ADGRB1: variants seen among roughly 807,000 people sequenced by gnomAD.
The protein encoded by ADGRB1 is adhesion G protein-coupled receptor B1.
Under a neutral mutation model 175.7 loss-of-function variants are expected in ADGRB1, and 36 were observed. That is an observed-to-expected ratio of 0.20 (90% CI 0.16 to 0.27). The LOEUF (loss-of-function observed/expected upper bound fraction) is 0.27. ADGRB1 is among the 10% of genes least tolerant of loss of function. The pLI, the probability that ADGRB1 is intolerant of heterozygous loss-of-function variation, is 1.00. For synonymous variants in ADGRB1, 1,054 were observed against 979.4 expected, an observed-to-expected ratio of 1.08 and a Z score of -1.42; for missense variants, 1,731 against 2,255.3, an observed-to-expected ratio of 0.77 and a Z score of 4.71.
Position 142,523,083 on chromosome 8 carries a change from G to T in ADGRB1, c.3245+373G>T, listed in dbSNP as rs181947154. ...GGGCTGTTTGAGACATGAGCTCTGGGCACAGTGGGCACACCCCCCACAGCA... is the reference window on the plus strand; with the variant it reads ...GGGCTGTTTGAGACATGAGCTCTGGTCACAGTGGGCACACCCCCCACAGCA... On this transcript the variant is annotated intron_variant, in intron 22 of 30. Coordinates refer to ENST00000517894, the MANE Select transcript of ADGRB1 (RefSeq NM_001702.3). Among the ~76,000 whole-genome samples, 31 of 152,364 alleles carry T rather than the reference G, an allele frequency of 2.0e-4. No individual in the cohort carries two copies. The East Asian group carries it at 5.8e-3, about 28-fold the overall frequency.
At chr8:142,489,542 C>A in intron 16 of ADGRB1, 104 bp downstream of exon 16, 1 of 1,259,902 alleles carries the variant, frequency 7.9e-7, no homozygotes, top group Non-Finnish European at 1.1e-6. Flanking sequence ...CTCACAACAG[C>A]TTTAACCTTC....
intron 16 of ADGRB1, 89 bp from the exon 17 acceptor site, chr8:142,490,683 G>T: frequency 7.0e-7 from 1 of 1,431,686 alleles, no homozygotes. Context: ...ATGCCTGGTA[G>T]CACACCTTTA....
rs567907941 is a variant in ADGRB1 at position 142,537,271 on chromosome 8, C to T, written c.3666+189C>T. Among the ~76,000 whole-genome samples the T allele has an allele frequency of 9.2e-5, 14 of 152,218 alleles. No individual in the cohort carries two copies. The East Asian group carries it at 2.7e-3, about 29-fold the overall frequency. ...GGAACCCCTGGTCCGGGGTTTCCAG[C>T]TGGGAAGGCCTGAGCTGATGAGTTT... On this transcript the variant is annotated intron_variant, in intron 26 of 30. Coordinates refer to ENST00000517894, the MANE Select transcript of ADGRB1 (RefSeq NM_001702.3). This position sits in a 1 kb window ranked among gnomAD's most constrained non-coding sequence, Gnocchi z 4.6.
chr8:142,491,732 G>A (rs1331838304), intron 17 of ADGRB1, among the ~76,000 whole-genome samples: 1 of 152,210 alleles, frequency 6.6e-6, no homozygotes, highest in Non-Finnish European at 1.5e-5. Flanking sequence ...ACCAGCCTCA[G>A]GCCTCCCTGC....
rs753144955 is a variant in ADGRB1 at position 142,481,277 on chromosome 8, C to T, written c.1852C>T (p.Leu618=). ...AGGACTCATCCTGCGACGGTGTGAG[C>T]TGGACGAGGAAGGCATCGCCTACTG... ...ATGLILRRCE[L]DEEGIAYWEP... The change falls in exon 10 of 31, where the codon CTG becomes TTG. Residue 618 remains leucine, a synonymous_variant. Transcript: ENST00000517894. 1.2e-6 allele frequency: 2 copies of T among 1,613,844 alleles called. No individual in the cohort carries two copies. The highest frequency in any genetic ancestry group is 2.2e-5 in the South Asian group (2 of 91,086).
intron 16 of ADGRB1, among the ~76,000 whole-genome samples, chr8:142,490,482 C>T (rs1056308414): frequency 2.6e-5 from 4 of 152,328 alleles, no homozygotes; most frequent in East Asian, 1.9e-4. Context: ...ATACCAGAGA[C>T]GGACTTCAGC....
At position 142,533,364 on chromosome 8, in the gene ADGRB1, C is replaced by T. The variant is rs1315241170; in HGVS notation, c.3468C>T (p.Ala1156=). ...TGACCTGGATGTCGGCTGTGCTCGCCGTCACCGACCGCCGCTCCGCCCTCT... is the reference window on the plus strand; with the variant it reads ...TGACCTGGATGTCGGCTGTGCTCGCTGTCACCGACCGCCGCTCCGCCCTCT... ...LALTWMSAVL[A]VTDRRSALFQ... is the part of the protein sequence containing the mutation. The change falls in exon 25 of 31, where the codon GCC becomes GCT. Residue 1156 remains alanine (A), a synonymous_variant. Transcript: ENST00000517894. 5.0e-6 allele frequency: 8 copies of T among 1,603,930 alleles called. No homozygotes were observed. The highest frequency in any genetic ancestry group is 3.4e-5 in the Admixed American group (2 of 59,178).
chr8:142,539,543 C>G, intron 27 of ADGRB1, 130 bp downstream of exon 27: 1 of 1,175,506 alleles, frequency 8.5e-7, no homozygotes, highest in South Asian at 1.4e-5. Flanking sequence ...CACACCCAGC[C>G]ACACCGTCAG....
chr8:142,543,193 C>T lies in ADGRB1; in HGVS notation c.4414-210C>T, dbSNP rs1161237335. Among the ~76,000 whole-genome samples, 2 of 152,262 alleles carry T rather than the reference C, an allele frequency of 1.3e-5. No homozygotes were observed. The highest frequency in any genetic ancestry group is 3.9e-4 in the East Asian group (2 of 5,140). ...TCCCGGGTAGGCGAGCCGGACACCC[C>T]AGCCCAGCCTTGGTGCTGCTCGCTG... is the stretch of plus-strand genomic sequence containing the variant. On this transcript the variant is annotated intron_variant, in intron 28 of 30. Coordinates refer to ENST00000517894, the MANE Select transcript of ADGRB1 (RefSeq NM_001702.3). This position sits in a 1 kb window ranked among gnomAD's most constrained non-coding sequence, Gnocchi z 4.4.
intron 23 of ADGRB1, among the ~76,000 whole-genome samples, chr8:142,526,215 C>T (rs966122382): frequency 6.6e-6 from 1 of 152,176 alleles, no homozygotes; most frequent in Non-Finnish European, 1.5e-5. Context: ...GGATTGGTGT[C>T]CCTTAGACAG....
At chr8:142,544,183 G>C in intron 30 of ADGRB1, 37 bp from the exon 31 acceptor site, 2 of 1,543,484 alleles carry the variant, frequency 1.3e-6, no homozygotes, top group African/African-American at 1.4e-5. Flanking sequence ...CTCTCCCTCC[G>C]GGCCCCACCC....
At chr8:142,479,876 T>A in intron 9 of ADGRB1, 82 bp downstream of exon 9, 1 of 1,419,780 alleles carries the variant, frequency 7.0e-7, no homozygotes, top group Non-Finnish European at 9.6e-7. Context: ...CTGTCAGCAC[T>A]GGGAGGCGGC....
At position 142,474,662 on chromosome 8, in the gene ADGRB1, G is replaced by A. The variant is rs939560961; in HGVS notation, c.785-812G>A. The stretch of plus-strand genomic sequence containing the variant: ...GCAGCACGAGGACCCCCCGGGAGCA[G>A]AGACTCCTGGGGCGTGAGGTCTGGT... On this transcript the variant is annotated intron_variant, in intron 2 of 30. Coordinates refer to ENST00000517894, the MANE Select transcript of ADGRB1 (RefSeq NM_001702.3). The surrounding 1 kb of genome is among the most constrained non-coding windows in gnomAD (Gnocchi z 5.8). 2.0e-5 allele frequency among the ~76,000 whole-genome samples: 3 copies of A among 152,322 alleles called. No homozygotes were observed. The Middle Eastern group carries it at 0.01, about 518-fold the overall frequency.
Position 142,479,470 on chromosome 8 carries a change from G to A in ADGRB1, c.1709G>A (p.Gly570Asp). 6.4e-7 allele frequency: 1 copy of A among 1,551,324 alleles called. No homozygotes were observed. The highest frequency in any genetic ancestry group is 2.3e-5 in the East Asian group (1 of 43,024). ...CCCCAGGATGAGTACCGGCAGTGCG[G>A]CACCCAGCGGTGTCCCGGTGAGGCC... ...QGPQDEYRQC[G>D]TQRCPEPHEI... The change falls in exon 8 of 31, where the codon GGC (glycine) becomes GAC (aspartate). Residue 570 changes from glycine (G) to aspartate (D), a missense_variant. Gly to Asp is a moderately conservative substitution (Grantham distance 94, BLOSUM62 -1). Coordinates refer to ENST00000517894, the MANE Select transcript of ADGRB1 (RefSeq NM_001702.3).
chr8:142,474,871 T>TC lies in ADGRB1; in HGVS notation c.785-601dup. 6.6e-6 allele frequency among the ~76,000 whole-genome samples: 1 copy of TC among 152,050 alleles called. No individual in the cohort carries two copies. The highest frequency in any genetic ancestry group is 2.4e-5 in the African/African-American group (1 of 41,376). On this transcript the variant is annotated intron_variant, in intron 2 of 30. Coordinates refer to ENST00000517894, the MANE Select transcript of ADGRB1 (RefSeq NM_001702.3). This position sits in a 1 kb window ranked among gnomAD's most constrained non-coding sequence, Gnocchi z 5.8. ...CCAGCTGGCCAGGTCCAGGGCAGGCTCCGTCAGGCTGTGCCCTGGGTTCGA... is the reference window on the plus strand; with the variant it reads ...CCAGCTGGCCAGGTCCAGGGCAGGCTCCCGTCAGGCTGTGCCCTGGGTTCGA...
intron 1 of ADGRB1, among the ~76,000 whole-genome samples, chr8:142,456,084 G>A (rs1839659097): frequency 6.6e-6 from 1 of 152,098 alleles, no homozygotes; most frequent in Admixed American, 6.5e-5. Context: ...GAGCCCCGGG[G>A]AAAAGGAATG....
intron 15 of ADGRB1, 42 bp downstream of exon 15, chr8:142,489,152 G>A: frequency 1.9e-6 from 3 of 1,569,058 alleles, no homozygotes; most frequent in Non-Finnish European, 8.6e-7. Flanking sequence ...TGCAGGGCAG[G>A]TGGGGTGGGC....
intron 23 of ADGRB1, 41 bp from the exon 24 acceptor site, chr8:142,526,501 C>T (rs367986408): frequency 8.2e-6 from 11 of 1,343,564 alleles, no homozygotes; most frequent in Admixed American, 2.0e-5. Context: ...GAGCCTACGG[C>T]GGCCCCCACC....
intron 18 of ADGRB1, among the ~76,000 whole-genome samples, chr8:142,516,385 CTGTGTGGGCCCCAGTTGCGTG>C (rs1399483194): frequency 1.8e-5 from 1 of 54,566 alleles, no homozygotes; most frequent in African/African-American, 7.4e-5. Flanking sequence ...GTGCGTGCGT[CTGTGTGGGCCCCAGTTGCGTG>C]TGTGTGGGCC....
Sources: gnomAD v4.1 joint callset for allele counts (sites outside exome capture counted in the v4.1 genomes callset) on GRCh38, gnomAD v4.1.1 for gene constraint, Gnocchi (gnomAD v3.1) non-coding constraint, MANE v1.5 for transcripts, NCBI Gene and HGNC (gene_info 2026-07-23, HGNC 2026-07-21) for gene names.